The following KLF12 variants were observed in gnomAD, a reference collection of about 807,000 sequenced individuals.
The protein encoded by KLF12 is KLF transcription factor 12, also known as Krueppel-like factor 12.
Under a neutral mutation model 37.8 loss-of-function variants are expected in KLF12, and 9 were observed. That is an observed-to-expected ratio of 0.24 (90% CI 0.14 to 0.42). The LOEUF (loss-of-function observed/expected upper bound fraction) is 0.42. KLF12 is among the 10% of genes least tolerant of loss of function. The probability of loss-of-function intolerance (pLI) is 1.00; values close to 1 mark genes in which losing one functional copy is unlikely to be tolerated. For missense variants in KLF12, 411 were observed against 516.0 expected (o/e 0.80, Z 1.97); for synonymous variants, 208 against 202.1 (o/e 1.03, Z -0.25).
intron 1 of KLF12, among the ~76,000 whole-genome samples, chr13:74,078,950 G>C (rs1874722112): frequency 6.6e-6 from 1 of 152,100 alleles, no homozygotes; most frequent in Non-Finnish European, 1.5e-5. Context: ...TAAACTATTA[G>C]ACAATGCCAA....
At chr13:73,777,577 A>G (rs147534476) in intron 5 of KLF12, among the ~76,000 whole-genome samples, 1,796 of 152,098 alleles carry the variant, frequency 0.012, 40 homozygotes, top group African/African-American at 0.041. Context: ...GCGCGGTGGC[A>G]CATGCCAGTA....
intron 2 of KLF12, among the ~76,000 whole-genome samples, chr13:73,953,277 T>G (rs534445800): frequency 6.6e-6 from 1 of 151,586 alleles, no homozygotes; most frequent in South Asian, 2.1e-4. Flanking sequence ...ACTAATAAAG[T>G]CAAATTTATC....
At chr13:73,782,629 T>C (rs1881036383) in intron 5 of KLF12, among the ~76,000 whole-genome samples, 1 of 152,206 alleles carries the variant, frequency 6.6e-6, no homozygotes, top group African/African-American at 2.4e-5. Flanking sequence ...TAGAGTGCAT[T>C]CTGCAAGGAT....
At chr13:74,159,691 A>G in the KLF12 span, among the ~76,000 whole-genome samples, 1 of 152,172 alleles carries the variant, frequency 6.6e-6, no homozygotes, top group African/African-American at 2.4e-5. Flanking sequence ...TCTCTGCTCT[A>G]AAATTTTTTT....
chr13:74,102,217 CAAAAAAAAGAAAAA>C (rs1236785396), intron 1 of KLF12, among the ~76,000 whole-genome samples: 1 of 127,552 alleles, frequency 7.8e-6, no homozygotes, highest in African/African-American at 2.9e-5. Context: ...GACTCCATCT[CAAAAAAAAGAAAAA>C]AAAAAAAAGA....
intron 1 of KLF12, among the ~76,000 whole-genome samples, chr13:74,061,562 C>G (rs567362658): frequency 6.6e-6 from 1 of 152,154 alleles, no homozygotes; most frequent in Non-Finnish European, 1.5e-5. Context: ...AAAAAACACT[C>G]TGGGGTCTCA....
intron 1 of KLF12, among the ~76,000 whole-genome samples, chr13:74,065,428 A>G (rs1430969322): frequency 1.4e-5 from 2 of 147,684 alleles, no homozygotes; most frequent in African/African-American, 5.0e-5. Context: ...CAATGAAGTA[A>G]TTTATCTGGA....
chr13:73,767,201 T>G (rs1433926531), intron 5 of KLF12, among the ~76,000 whole-genome samples: 3 of 152,182 alleles, frequency 2.0e-5, no homozygotes, highest in Admixed American at 2.0e-4. Flanking sequence ...GAGCTCAGTC[T>G]TTAACCTGTG....
At chr13:74,242,146 A>G in the KLF12 span, among the ~76,000 whole-genome samples, 1 of 152,236 alleles carries the variant, frequency 6.6e-6, no homozygotes, top group Non-Finnish European at 1.5e-5. Context: ...AGATCAGTTG[A>G]ATAGTCAAAT....
intron 5 of KLF12, among the ~76,000 whole-genome samples, chr13:73,809,440 C>T (rs1882814099): frequency 7.3e-6 from 1 of 137,024 alleles, no homozygotes; most frequent in African/African-American, 2.7e-5. Context: ...GATAAACTAA[C>T]AGAAAAGCAG....
the KLF12 span, among the ~76,000 whole-genome samples, chr13:74,179,717 G>C: frequency 6.6e-6 from 1 of 152,150 alleles, no homozygotes; most frequent in Non-Finnish European, 1.5e-5. Context: ...GCAGAATAGT[G>C]TACTCCAGGT....
At chr13:74,136,304 G>T (rs1323547574), upstream of KLF12, among the ~76,000 whole-genome samples, 1 of 152,154 alleles carries the variant, frequency 6.6e-6, no homozygotes, top group Non-Finnish European at 1.5e-5. Context: ...TCCCTGATCC[G>T]ATCCTGGGCC....
intron 3 of KLF12, among the ~76,000 whole-genome samples, chr13:73,902,762 C>A (rs1177423123): frequency 6.6e-6 from 1 of 152,206 alleles, no homozygotes; most frequent in Admixed American, 6.5e-5. Flanking sequence ...TATCCCACTT[C>A]ACTTTCAATG....
intron 6 of KLF12, among the ~76,000 whole-genome samples, chr13:73,761,532 C>T (rs146873838): frequency 6.6e-6 from 1 of 152,154 alleles, no homozygotes; most frequent in Non-Finnish European, 1.5e-5. Context: ...TACCTTCCTA[C>T]AATTGCACGC....
chr13:74,263,607 G>A, the KLF12 span, among the ~76,000 whole-genome samples: 2 of 152,170 alleles, frequency 1.3e-5, no homozygotes, highest in East Asian at 3.9e-4. Flanking sequence ...AAGCTAATGG[G>A]AGTAAAGGAT....
At chr13:74,140,903 A>G in the KLF12 span, among the ~76,000 whole-genome samples, 1 of 151,866 alleles carries the variant, frequency 6.6e-6, no homozygotes, top group South Asian at 2.1e-4. Context: ...AATACAAAAC[A>G]AAATTAGCCA....
chr13:73,937,897 T>C (rs1000499432), intron 3 of KLF12, among the ~76,000 whole-genome samples: 58 of 152,244 alleles, frequency 3.8e-4, no homozygotes, highest in African/African-American at 1.3e-3. Flanking sequence ...AGAGCAGATA[T>C]TTCTTTCCGC....
intron 4 of KLF12, among the ~76,000 whole-genome samples, chr13:73,837,333 C>G (rs564451406): frequency 6.6e-6 from 1 of 152,300 alleles, no homozygotes; most frequent in Admixed American, 6.5e-5. Context: ...CTATCCTAGT[C>G]TATGCCAGAT....
intron 3 of KLF12, among the ~76,000 whole-genome samples, chr13:73,941,669 T>C (rs767998587): frequency 2.0e-5 from 3 of 152,224 alleles, no homozygotes; most frequent in Non-Finnish European, 2.9e-5. Flanking sequence ...TTCTAGACTT[T>C]GTTTCAAACA....
Sources: gnomAD v4.1 joint callset for allele counts (sites outside exome capture counted in the v4.1 genomes callset) on GRCh38, gnomAD v4.1.1 for gene constraint, MANE v1.5 for transcripts, NCBI Gene and HGNC (gene_info 2026-07-23, HGNC 2026-07-21) for gene names.